Variants in NTRK2 observed in about 807,000 individuals in gnomAD.
NTRK2 encodes the protein BDNF/NT-3 growth factors receptor.
NTRK2 carries 13 observed loss-of-function variants against 94.5 expected under a neutral mutation model. The observed-to-expected ratio is 0.14, with a 90% CI of 0.09 to 0.22. NTRK2 has a LOEUF of 0.22. Among genes scored for constraint, NTRK2 ranks in the 10% least tolerant of loss-of-function variants. NTRK2 has a pLI of 1.00. For synonymous variants in NTRK2, 372 were observed against 407.4 expected, an observed-to-expected ratio of 0.91 and a Z score of 1.05; for missense variants, 639 against 1,071.2, an observed-to-expected ratio of 0.60 and a Z score of 5.63.
In NTRK2 at chr9:84,699,437, C is replaced by T. The variant is rs759632657; in HGVS notation, c.213-2722C>T. Among the ~76,000 whole-genome samples, 8 of 152,284 alleles carry T rather than the reference C, an allele frequency of 5.3e-5. No individual in the cohort carries two copies. In the South Asian group the frequency reaches 1.0e-3, roughly 20 times the overall value. On this transcript the variant is annotated intron_variant, in intron 2 of 18. Coordinates refer to ENST00000277120, the MANE Select transcript of NTRK2 (RefSeq NM_006180.6). ...GGCATTCTTGCCCCCACAGTAGAAG[C>T]GTATTCTCTAGTGACCATTTTTCAT...
At chr9:84,829,892 A>G (rs2073425381) in intron 12 of NTRK2, among the ~76,000 whole-genome samples, 1 of 152,144 alleles carries the variant, frequency 6.6e-6, no homozygotes, top group African/African-American at 2.4e-5. Context: ...CTCTTACTGC[A>G]TTTGAGAGTG....
chr9:84,748,454 A>C (rs557290841), intron 11 of NTRK2, among the ~76,000 whole-genome samples: 1 of 152,362 alleles, frequency 6.6e-6, no homozygotes, highest in East Asian at 1.9e-4. Flanking sequence ...CAGAGAAGCC[A>C]GGGCAGGCAT....
At chr9:84,964,091 G>T (rs1271287077) in intron 17 of NTRK2, among the ~76,000 whole-genome samples, 1 of 152,106 alleles carries the variant, frequency 6.6e-6, no homozygotes, top group Non-Finnish European at 1.5e-5. Context: ...CTTATTGTGG[G>T]TCATATTTTC....
intron 10 of NTRK2, among the ~76,000 whole-genome samples, chr9:84,742,786 T>C (rs1468248167): frequency 2.5e-5 from 3 of 119,602 alleles, no homozygotes; most frequent in Non-Finnish European, 5.0e-5. Flanking sequence ...GTCCATTATA[T>C]TAGTTTTTTT....
chr9:84,723,676 T>C lies in NTRK2; in HGVS notation c.687T>C (p.Tyr229=). The C allele has an allele frequency of 6.2e-7, 1 of 1,614,094 alleles. No homozygotes were observed. Among genetic ancestry groups the C allele is most frequent in the Non-Finnish European group, 8.5e-7 (1 of 1,179,952 alleles). ...CAGGTGATCCGGTTCCTAATATGTA[T>C]TGGGATGTTGGTAACCTGGTTTCCA... ...SVAGDPVPNM[Y]WDVGNLVSKH... The change falls in exon 7 of 19, where the codon TAT becomes TAC. Residue 229 remains tyrosine (Y), a synonymous_variant. Coordinates refer to ENST00000277120, the MANE Select transcript of NTRK2 (RefSeq NM_006180.6).
At chr9:84,910,382 A>T (rs892509997) in intron 14 of NTRK2, among the ~76,000 whole-genome samples, 2 of 152,014 alleles carry the variant, frequency 1.3e-5, no homozygotes, top group Non-Finnish European at 2.9e-5. Flanking sequence ...GGCTGTTGGT[A>T]ATCCCTGGTG....
At chr9:84,698,984 G>A (rs922285663) in intron 2 of NTRK2, among the ~76,000 whole-genome samples, 2 of 152,042 alleles carry the variant, frequency 1.3e-5, no homozygotes, top group South Asian at 4.1e-4. Context: ...ACTACACGTA[G>A]TAGCTTATGA....
intron 12 of NTRK2, among the ~76,000 whole-genome samples, chr9:84,803,624 G>A (rs1394216162): frequency 2.0e-5 from 3 of 152,182 alleles, no homozygotes; most frequent in African/African-American, 4.8e-5. Context: ...CTCTGAATGA[G>A]GACTTCAGCA....
chr9:84,882,719 T>TGTGTGCGC (rs761042296), intron 14 of NTRK2, among the ~76,000 whole-genome samples: 28 of 145,832 alleles, frequency 1.9e-4, no homozygotes, highest in African/African-American at 6.6e-4. Context: ...TGTGTGTGTG[T>TGTGTGCGC]GCGCGCGCGC....
intron 17 of NTRK2, among the ~76,000 whole-genome samples, chr9:84,982,349 T>C (rs1479524415): frequency 2.6e-5 from 4 of 152,172 alleles, no homozygotes; most frequent in Non-Finnish European, 5.9e-5. Flanking sequence ...TTATTAGTGG[T>C]CCTAATGAAG....
intron 12 of NTRK2, chr9:84,815,133 G>A: frequency 9.5e-7 from 1 of 1,057,192 alleles, no homozygotes; most frequent in African/African-American, 1.6e-5. Flanking sequence ...CCATTTTCAA[G>A]TTTTGGTCTT....
chr9:84,705,679 G>A (rs186260775), intron 4 of NTRK2, among the ~76,000 whole-genome samples: 247 of 151,538 alleles, frequency 1.6e-3, no homozygotes, highest in African/African-American at 5.6e-3. Flanking sequence ...GTTTGTTTTA[G>A]AAAGATTGGG....
intron 14 of NTRK2, among the ~76,000 whole-genome samples, chr9:84,919,009 C>T (rs1330430560): frequency 1.3e-5 from 2 of 152,154 alleles, no homozygotes; most frequent in African/African-American, 2.4e-5. Context: ...ACCCCTTCAT[C>T]TAACCTTCAA....
At chr9:84,848,411 G>A (rs17389082) in intron 12 of NTRK2, among the ~76,000 whole-genome samples, 17,759 of 152,174 alleles carry the variant, frequency 0.12, 1,258 homozygotes, top group Admixed American at 0.16. Flanking sequence ...TACCCAGGTA[G>A]CTTCAAATGT....
At chr9:84,713,419 C>T (rs1296156914) in intron 6 of NTRK2, among the ~76,000 whole-genome samples, 2 of 152,114 alleles carry the variant, frequency 1.3e-5, no homozygotes, top group African/African-American at 4.8e-5. Flanking sequence ...CTTCCCTTTA[C>T]TTCTCCTCCC....
At chr9:84,841,495 T>C (rs1163803864) in intron 12 of NTRK2, among the ~76,000 whole-genome samples, 1 of 152,208 alleles carries the variant, frequency 6.6e-6, no homozygotes, top group Non-Finnish European at 1.5e-5. Flanking sequence ...TCTCCTAGAA[T>C]ATCTGGCCAC....
chr9:84,908,974 T>C (rs1300357520), intron 14 of NTRK2, among the ~76,000 whole-genome samples: 1 of 152,140 alleles, frequency 6.6e-6, no homozygotes, highest in African/African-American at 2.4e-5. Context: ...TGTAAAACTA[T>C]AGTACAATAT....
chr9:84,979,997 C>A (rs111724616), intron 17 of NTRK2, among the ~76,000 whole-genome samples: 31 of 152,316 alleles, frequency 2.0e-4, no homozygotes, highest in African/African-American at 6.0e-4. Flanking sequence ...GTAAACAGAA[C>A]TTGTGTAAGC....
At chr9:84,823,689 G>A (rs773536224) in intron 12 of NTRK2, among the ~76,000 whole-genome samples, 12 of 152,278 alleles carry the variant, frequency 7.9e-5, no homozygotes, top group Non-Finnish European at 1.8e-4. Context: ...CAAATCTTCT[G>A]ATTTTTTTAA....
Sources: allele counts gnomAD v4.1 joint callset (sites outside exome capture counted in the v4.1 genomes callset), GRCh38; gene constraint gnomAD v4.1.1; transcripts MANE v1.5; gene names NCBI Gene and HGNC (gene_info 2026-07-23, HGNC 2026-07-21).